The following NMNAT1 variants were observed in gnomAD, a reference collection of about 807,000 sequenced individuals.
NMNAT1 encodes the protein nicotinamide/nicotinic acid mononucleotide adenylyltransferase 1.
A neutral mutation model predicts 16.7 loss-of-function variants in NMNAT1; 11 were observed. The ratio of observed to expected loss-of-function variants is 0.66; its 90% CI spans 0.41 to 1.09. NMNAT1 has a LOEUF of 1.09. NMNAT1 is among the 50% of genes least tolerant of loss of function. The probability of loss-of-function intolerance (pLI) is 0.00; values close to 1 mark genes in which losing one functional copy is unlikely to be tolerated. For synonymous variants in NMNAT1, 110 were observed against 119.8 expected, an observed-to-expected ratio of 0.92 and a Z score of 0.53; for missense variants, 280 against 332.3, an observed-to-expected ratio of 0.84 and a Z score of 1.22.
chr1:9,995,687 C>G, the NMNAT1 span, among the ~76,000 whole-genome samples: 1 of 150,538 alleles, frequency 6.6e-6, no homozygotes, highest in Non-Finnish European at 1.5e-5. Flanking sequence ...GAGTGAGAGT[C>G]TGTCTCAAAA....
At chr1:9,987,414 G>A (rs576195171), downstream of NMNAT1, among the ~76,000 whole-genome samples, 45 of 152,088 alleles carry the variant, frequency 3.0e-4, 1 homozygote, top group African/African-American at 1.1e-3. Flanking sequence ...GCCGAGGAGG[G>A]CAGATCACAA....
chr1:9,996,320 A>AG, the NMNAT1 span, among the ~76,000 whole-genome samples: 4 of 150,648 alleles, frequency 2.7e-5, no homozygotes, highest in South Asian at 4.1e-4. Context: ...AAAAAAAAAA[A>AG]AAAAAAGAAA....
At chr1:9,988,936 C>T (rs1357183128), downstream of NMNAT1, among the ~76,000 whole-genome samples, 4 of 151,966 alleles carry the variant, frequency 2.6e-5, no homozygotes, top group African/African-American at 9.7e-5. Context: ...GAATTACAAA[C>T]ATGAGCCTCT....
intron 1 of NMNAT1, among the ~76,000 whole-genome samples, chr1:9,956,875 G>A (rs1251610077): frequency 6.6e-6 from 1 of 151,440 alleles, no homozygotes; most frequent in African/African-American, 2.4e-5. Context: ...AGGATTGCAG[G>A]CACATGCCAC....
chr1:9,958,066 G>C lies in NMNAT1; in HGVS notation c.-56-13952G>C, dbSNP rs567552218. On this transcript the variant is annotated intron_variant, in intron 1 of 4. Transcript: ENST00000377205. Reference sequence around the variant, plus strand: ...AAAAGTTAAGCTCAGTTTACCCACAGCTATCTTCACTATATTGAGATTTTT... The same window carrying C: ...AAAAGTTAAGCTCAGTTTACCCACACCTATCTTCACTATATTGAGATTTTT... Among the ~76,000 whole-genome samples the C allele has an allele frequency of 2.5e-4, 38 of 152,268 alleles. No homozygotes were observed. In the South Asian group the frequency reaches 4.3e-3, roughly 17 times the overall value.
At chr1:9,982,187 A>T (rs1173713114) in intron 4 of NMNAT1, 114 bp from the exon 5 acceptor site, 22 of 1,363,238 alleles carry the variant, frequency 1.6e-5, no homozygotes, top group Admixed American at 2.3e-5. Context: ...TGAAAAGCAC[A>T]TACGTATCTT....
the NMNAT1 span, among the ~76,000 whole-genome samples, chr1:9,996,689 G>T: frequency 6.6e-6 from 1 of 152,068 alleles, no homozygotes; most frequent in Non-Finnish European, 1.5e-5. Context: ...CTTGAATGTG[G>T]ATGTCCTGGC....
At chr1:9,956,632 A>G (rs549682218) in intron 1 of NMNAT1, among the ~76,000 whole-genome samples, 2 of 151,782 alleles carry the variant, frequency 1.3e-5, no homozygotes, top group African/African-American at 2.4e-5. Context: ...CATGTTGTCC[A>G]AGCTGGTCTC....
At chr1:9,976,497 G>A (rs1641817274) in intron 3 of NMNAT1, among the ~76,000 whole-genome samples, 1 of 151,474 alleles carries the variant, frequency 6.6e-6, no homozygotes, top group South Asian at 2.1e-4. Context: ...ATCATGGACA[G>A]GCCTGATTCG....
chr1:9,989,758 T>A (rs1352054244), downstream of NMNAT1, among the ~76,000 whole-genome samples: 1 of 152,202 alleles, frequency 6.6e-6, no homozygotes, highest in Non-Finnish European at 1.5e-5. Context: ...AGAACTTGGG[T>A]ACCACAAGTG....
intron 1 of NMNAT1, among the ~76,000 whole-genome samples, chr1:9,954,385 A>AT (rs1557458534): frequency 1.3e-5 from 2 of 151,022 alleles, no homozygotes; most frequent in African/African-American, 4.9e-5. Flanking sequence ...AACTTCTTCT[A>AT]TTTTTTGTAG....
intron 4 of NMNAT1, 74 bp from the exon 5 acceptor site, chr1:9,982,227 T>G: frequency 2.0e-6 from 3 of 1,506,098 alleles, no homozygotes; most frequent in Non-Finnish European, 2.7e-6. Context: ...ATTAGAAAAG[T>G]AAACCCCTTT....
chr1:9,974,264 T>C (rs895515722), intron 2 of NMNAT1, among the ~76,000 whole-genome samples: 2 of 151,628 alleles, frequency 1.3e-5, no homozygotes, highest in African/African-American at 4.8e-5. Flanking sequence ...TCACCCTGGC[T>C]GGGCAGGCTG....
chr1:9,972,077 G>C lies in NMNAT1; in HGVS notation c.4G>C (p.Glu2Gln), dbSNP rs1303913428. The C allele has an allele frequency of 6.3e-7, 1 of 1,579,144 alleles. No homozygotes were observed. Among genetic ancestry groups the C allele is most frequent in the African/African-American group, 1.3e-5 (1 of 74,216 alleles). The change falls in exon 2 of 5, where the codon GAA (glutamate) becomes CAA (glutamine). Residue 2 changes from glutamate (E) to glutamine (Q), a missense_variant. Coordinates refer to ENST00000377205, the MANE Select transcript of NMNAT1 (RefSeq NM_022787.4). ...TCAACAACTTCAAGTTCTTACCATG[G>C]AAAATTCCGAGAAGACTGAAGTGGT... M[E>Q]NSEKTEVVLL...
At chr1:9,975,075 G>C (rs1641775646) in intron 2 of NMNAT1, among the ~76,000 whole-genome samples, 1 of 152,222 alleles carries the variant, frequency 6.6e-6, no homozygotes, top group African/African-American at 2.4e-5. Flanking sequence ...AGATAGGAGC[G>C]ATGGTTGCAC....
At chr1:9,995,958 G>A in the NMNAT1 span, among the ~76,000 whole-genome samples, 1 of 151,910 alleles carries the variant, frequency 6.6e-6, no homozygotes, top group East Asian at 1.9e-4. Flanking sequence ...GAACCTGGGA[G>A]GCGGAGGTTG....
chr1:9,977,340 C>T (rs1018920907), intron 3 of NMNAT1, among the ~76,000 whole-genome samples: 7 of 151,942 alleles, frequency 4.6e-5, no homozygotes, highest in Non-Finnish European at 1.5e-5. Flanking sequence ...ATCCTCCCAC[C>T]TAGGCCTCCC....
intron 1 of NMNAT1, among the ~76,000 whole-genome samples, chr1:9,960,110 A>C (rs1216885194): frequency 1.3e-5 from 2 of 152,070 alleles, no homozygotes; most frequent in East Asian, 3.9e-4. Context: ...TGTTTTCGAA[A>C]AGTTGATTTT....
chr1:9,983,856 A>G lies in NMNAT1; in HGVS notation c.*1155A>G, dbSNP rs1642001666. The G allele has an allele frequency of 6.6e-6, 1 of 152,048 alleles. No individual in the cohort carries two copies. The highest frequency in any genetic ancestry group is 6.6e-5 in the Admixed American group (1 of 15,228). 9.4% of individuals were successfully genotyped at this position (152,048 alleles called of 1,614,324 possible). On this transcript the variant is annotated 3_prime_UTR_variant, in exon 5 of 5. Coordinates refer to ENST00000377205, the MANE Select transcript of NMNAT1 (RefSeq NM_022787.4). Reference sequence around the variant, plus strand: ...ACTGAATTTGGACTTCCTCTGGGAAACTACACCTAGTTCATCTGAAGTGTC... The same window carrying G: ...ACTGAATTTGGACTTCCTCTGGGAAGCTACACCTAGTTCATCTGAAGTGTC...
Sources: allele counts gnomAD v4.1 joint callset (sites outside exome capture counted in the v4.1 genomes callset), GRCh38; gene constraint gnomAD v4.1.1; transcripts MANE v1.5; gene names NCBI Gene and HGNC (gene_info 2026-07-23, HGNC 2026-07-21).